Variants in PRTFDC1 observed in about 807,000 individuals in gnomAD.
PRTFDC1 encodes phosphoribosyltransferase domain-containing protein 1.
A neutral mutation model predicts 34.6 loss-of-function variants in PRTFDC1; 38 were observed. The ratio of observed to expected loss-of-function variants is 1.10; its 90% CI spans 0.85 to 1.44. The LOEUF (loss-of-function observed/expected upper bound fraction) is 1.44, where lower values mean the gene tolerates loss of function less well. Ranked by LOEUF, PRTFDC1 falls within the 40% of genes most tolerant of loss-of-function variation. The probability of loss-of-function intolerance (pLI) is 0.00; values close to 1 mark genes in which losing one functional copy is unlikely to be tolerated. For missense variants in PRTFDC1, 270 were observed against 283.0 expected (o/e 0.95, Z 0.33); for synonymous variants, 93 against 98.1 (o/e 0.95, Z 0.31).
chr10:24,897,507 G>A (rs1426149186), intron 3 of PRTFDC1, among the ~76,000 whole-genome samples: 2 of 152,198 alleles, frequency 1.3e-5, no homozygotes, highest in Non-Finnish European at 2.9e-5. Flanking sequence ...ACCCTTTGAT[G>A]GCAGGAAACC....
At chr10:24,853,004 T>C (rs549734751) in intron 7 of PRTFDC1, among the ~76,000 whole-genome samples, 1 of 152,162 alleles carries the variant, frequency 6.6e-6, no homozygotes, top group South Asian at 2.1e-4. Flanking sequence ...AGTCCCTTGC[T>C]AGGAAGCCTG....
chr10:24,893,602 C>T (rs1014859357), intron 3 of PRTFDC1, among the ~76,000 whole-genome samples: 8 of 152,088 alleles, frequency 5.3e-5, no homozygotes, highest in Non-Finnish European at 7.4e-5. Flanking sequence ...GCCACTGTGC[C>T]CAGCTTCATT....
At chr10:24,874,796 C>T (rs908638395) in intron 3 of PRTFDC1, among the ~76,000 whole-genome samples, 6 of 152,140 alleles carry the variant, frequency 3.9e-5, no homozygotes, top group Non-Finnish European at 7.3e-5. Flanking sequence ...TGTGTCCCCA[C>T]CAAATCTCAT....
At chr10:24,917,540 G>A (rs931354192) in intron 3 of PRTFDC1, among the ~76,000 whole-genome samples, 6 of 151,940 alleles carry the variant, frequency 3.9e-5, no homozygotes, top group Admixed American at 1.3e-4. Context: ...CTCTGTTCTC[G>A]CTCTATTTTC....
chr10:24,881,125 T>C (rs1409610368), intron 3 of PRTFDC1, among the ~76,000 whole-genome samples: 2 of 151,540 alleles, frequency 1.3e-5, no homozygotes, highest in African/African-American at 2.4e-5. Context: ...GGGAAAGCAG[T>C]GGTGCAATCA....
rs756778662 is a variant in PRTFDC1, at chr10:24,952,594, G to T, written c.-19C>A. On this transcript the variant is annotated 5_prime_UTR_variant, in exon 1 of 9. Transcript: ENST00000320152. This position sits in a 1 kb window ranked among gnomAD's most constrained non-coding sequence, Gnocchi z 5.1. Reference sequence around the variant, plus strand: ...CGGCCATGTTTCTCCCGGGGAACGCGGGAAGGGAAGACGGCGCGGGAAGGA... The same window carrying T: ...CGGCCATGTTTCTCCCGGGGAACGCTGGAAGGGAAGACGGCGCGGGAAGGA... 1 of 1,578,308 alleles carries T rather than the reference G, an allele frequency of 6.3e-7. No individual in the cohort carries two copies. The highest frequency in any genetic ancestry group is 8.6e-7 in the Non-Finnish European group (1 of 1,162,040).
chr10:24,949,719 A>T (rs113785246), intron 1 of PRTFDC1, among the ~76,000 whole-genome samples: 2,684 of 134,146 alleles, frequency 0.02, 58 homozygotes, highest in African/African-American at 0.058. Context: ...TTTTTTGTTT[A>T]TTTATTTATT....
intron 4 of PRTFDC1, among the ~76,000 whole-genome samples, chr10:24,858,732 G>A (rs1402525475): frequency 6.6e-6 from 1 of 152,144 alleles, no homozygotes; most frequent in Non-Finnish European, 1.5e-5. Flanking sequence ...TCCCTTGGGA[G>A]GCAAAGCCTG....
intron 3 of PRTFDC1, among the ~76,000 whole-genome samples, chr10:24,920,416 G>T (rs1426313493): frequency 2.0e-5 from 3 of 152,066 alleles, no homozygotes; most frequent in African/African-American, 7.3e-5. Context: ...ATTATAGTCA[G>T]CAAACTAATG....
intron 3 of PRTFDC1, among the ~76,000 whole-genome samples, chr10:24,887,896 A>T (rs944767490): frequency 2.7e-5 from 4 of 150,930 alleles, no homozygotes; most frequent in African/African-American, 9.8e-5. Context: ...CTGCATATGC[A>T]TCTGTTCACT....
chr10:24,948,808 TAACTC>T (rs1265913323), intron 1 of PRTFDC1, among the ~76,000 whole-genome samples: 2 of 152,182 alleles, frequency 1.3e-5, no homozygotes, highest in East Asian at 1.9e-4. Flanking sequence ...ACTACATTCT[TAACTC>T]AAATCACATC....
chr10:24,853,381 G>A (rs1042443300), intron 7 of PRTFDC1, among the ~76,000 whole-genome samples: 1 of 152,070 alleles, frequency 6.6e-6, no homozygotes, highest in Non-Finnish European at 1.5e-5. Flanking sequence ...AGAGGCTTAG[G>A]TGGGTGGATC....
chr10:24,951,726 G>C (rs1393438837), intron 1 of PRTFDC1: 1 of 518,994 alleles, frequency 1.9e-6, no homozygotes, highest in Middle Eastern at 9.8e-4. Flanking sequence ...AGGGAGCAGG[G>C]AGGACGTGGC....
At chr10:24,865,194 T>G (rs976113170) in intron 4 of PRTFDC1, among the ~76,000 whole-genome samples, 2 of 152,162 alleles carry the variant, frequency 1.3e-5, no homozygotes, top group East Asian at 3.9e-4. Flanking sequence ...GAAATACCTG[T>G]GTAGTGAATC....
rs1347528840 is a variant in PRTFDC1, at chr10:24,952,401, G to T, written c.48+127C>A. The T allele has an allele frequency of 5.3e-6, 6 of 1,133,028 alleles. No individual in the cohort carries two copies. In the African/African-American group the frequency reaches 6.2e-5, roughly 12 times the overall value. The allele number at this position is 1,133,028 out of a possible 1,614,324, so 70.2% of individuals were successfully genotyped here. ...GGGTCCGAGGATGGAAGCGATCCCCGCCGGGAGGGAGAACAAAGCGGTGGC... is the reference window on the plus strand; with the variant it reads ...GGGTCCGAGGATGGAAGCGATCCCCTCCGGGAGGGAGAACAAAGCGGTGGC... On this transcript the variant is annotated intron_variant, in intron 1 of 8. Transcript: ENST00000320152. This position sits in a 1 kb window ranked among gnomAD's most constrained non-coding sequence, Gnocchi z 5.1.
chr10:24,945,116 C>T (rs990275339), intron 1 of PRTFDC1, among the ~76,000 whole-genome samples: 7 of 152,160 alleles, frequency 4.6e-5, no homozygotes, highest in African/African-American at 1.7e-4. Flanking sequence ...TCTGCAAAGA[C>T]GCCTTCCCTG....
In PRTFDC1 at chr10:24,918,966, C is replaced by T. The variant is rs181453783; in HGVS notation, c.339+18218G>A. Among the ~76,000 whole-genome samples, 18 of 152,242 alleles carry T rather than the reference C, an allele frequency of 1.2e-4. No individual in the cohort carries two copies. In the East Asian group the frequency reaches 2.1e-3, roughly 18 times the overall value. ...TAGTTTTACATCTTAGCCCCATTCT[C>T]GGCCAGCTCTATCTTAAACTGTCTG... On this transcript the variant is annotated intron_variant, in intron 3 of 8. Coordinates refer to ENST00000320152, the MANE Select transcript of PRTFDC1 (RefSeq NM_020200.7).
At chr10:24,939,811 A>G (rs1228598164) in intron 2 of PRTFDC1, among the ~76,000 whole-genome samples, 101 of 150,818 alleles carry the variant, frequency 6.7e-4, no homozygotes, top group African/African-American at 1.3e-3. Context: ...AAAAAAAAAA[A>G]AAAAGAAAAA....
intron 3 of PRTFDC1, among the ~76,000 whole-genome samples, chr10:24,912,217 A>T (rs1848636212): frequency 7.3e-6 from 1 of 137,460 alleles, no homozygotes; most frequent in African/African-American, 2.7e-5. Flanking sequence ...TGCAGTGAGC[A>T]GAGATCAGGC....
Sources: allele counts gnomAD v4.1 joint callset (sites outside exome capture counted in the v4.1 genomes callset), GRCh38; gene constraint gnomAD v4.1.1; non-coding constraint Gnocchi (gnomAD v3.1); transcripts MANE v1.5; gene names NCBI Gene and HGNC (gene_info 2026-07-23, HGNC 2026-07-21).